Variants in HIVEP3 observed in about 807,000 individuals in gnomAD.
HIVEP3 encodes the protein HIVEP zinc finger 3.
A neutral mutation model predicts 152.8 loss-of-function variants in HIVEP3; 49 were observed. The observed-to-expected ratio is 0.32, with a 90% CI of 0.26 to 0.41. The LOEUF (loss-of-function observed/expected upper bound fraction) is 0.41. Ranked by LOEUF, HIVEP3 falls within the 10% of genes least tolerant of loss-of-function variation. HIVEP3 has a pLI of 1.00. For missense variants in HIVEP3, 2,790 were observed against 3,103.3 expected (o/e 0.90, Z 2.40); for synonymous variants, 1,269 against 1,289.0 (o/e 0.98, Z 0.33).
chr1:41,797,097 C>T (rs349449), intron 1 of HIVEP3, among the ~76,000 whole-genome samples: 92,898 of 152,066 alleles, frequency 0.61, 29,661 homozygotes, highest in African/African-American at 0.81. Flanking sequence ...TGGCATCCTC[C>T]GTGAAGGGCC....
chr1:41,809,371 G>A (rs771371377), intron 1 of HIVEP3, among the ~76,000 whole-genome samples: 2 of 152,176 alleles, frequency 1.3e-5, no homozygotes, highest in Non-Finnish European at 2.9e-5. Flanking sequence ...CCAAAGACAC[G>A]GTCTTCATGC....
At chr1:41,566,605 C>T (rs1272187207) in intron 5 of HIVEP3, among the ~76,000 whole-genome samples, 1 of 152,216 alleles carries the variant, frequency 6.6e-6, no homozygotes, top group Non-Finnish European at 1.5e-5. Context: ...CACCTCCACT[C>T]CTCATTTTGG....
chr1:41,645,767 G>A (rs935721887), intron 2 of HIVEP3, among the ~76,000 whole-genome samples: 3 of 152,164 alleles, frequency 2.0e-5, no homozygotes, highest in African/African-American at 7.2e-5. Flanking sequence ...CCAACCATTC[G>A]TTCATGCATT....
intron 1 of HIVEP3, among the ~76,000 whole-genome samples, chr1:41,786,141 C>CT (rs1649335740): frequency 1.3e-5 from 2 of 152,248 alleles, no homozygotes; most frequent in Admixed American, 1.3e-4. Context: ...TCAGCTTACA[C>CT]TGTGGTCCTA....
intron 1 of HIVEP3, among the ~76,000 whole-genome samples, chr1:41,738,537 C>A (rs1387194009): frequency 6.6e-6 from 1 of 152,154 alleles, no homozygotes; most frequent in East Asian, 1.9e-4. Flanking sequence ...TTGAGTTAAT[C>A]CAACCCTCCC....
chr1:41,803,710 T>C (rs963777279), intron 1 of HIVEP3, among the ~76,000 whole-genome samples: 1 of 152,234 alleles, frequency 6.6e-6, no homozygotes, highest in East Asian at 1.9e-4. Flanking sequence ...GTTCCTTGCC[T>C]GGTACACTCT....
intron 1 of HIVEP3, among the ~76,000 whole-genome samples, chr1:42,015,216 A>G (rs1350875864): frequency 6.6e-6 from 1 of 152,242 alleles, no homozygotes; most frequent in East Asian, 1.9e-4. Context: ...AAGCTCAGGT[A>G]TGTAAAGAAT....
chr1:41,700,620 T>C (rs1453142122), intron 2 of HIVEP3, among the ~76,000 whole-genome samples: 3 of 152,172 alleles, frequency 2.0e-5, no homozygotes, highest in Non-Finnish European at 4.4e-5. Context: ...AGAAAGGAGA[T>C]GCTTGCTTAA....
chr1:41,929,470 T>A (rs1156628135), intron 1 of HIVEP3, among the ~76,000 whole-genome samples: 6 of 151,874 alleles, frequency 4.0e-5, no homozygotes, highest in African/African-American at 1.5e-4. Context: ...CATCTTGTAG[T>A]TTGCCTACCC....
intron 1 of HIVEP3, among the ~76,000 whole-genome samples, chr1:41,760,200 T>C (rs1647577321): frequency 6.6e-6 from 1 of 152,150 alleles, no homozygotes; most frequent in East Asian, 1.9e-4. Flanking sequence ...AAAAATGGGA[T>C]GAATAAGAGT....
chr1:41,862,621 T>G (rs1462715638), intron 1 of HIVEP3, among the ~76,000 whole-genome samples: 1 of 152,140 alleles, frequency 6.6e-6, no homozygotes, highest in African/African-American at 2.4e-5. Flanking sequence ...CCCTCCAAGC[T>G]TGCCTCCTGC....
chr1:41,733,908 C>T (rs973762493), intron 1 of HIVEP3, among the ~76,000 whole-genome samples: 3 of 152,162 alleles, frequency 2.0e-5, no homozygotes, highest in African/African-American at 7.2e-5. Context: ...AGGTGTCCCA[C>T]TCCTCTCAAC....
intron 2 of HIVEP3, among the ~76,000 whole-genome samples, chr1:41,665,261 G>T (rs1239283258): frequency 6.6e-6 from 1 of 152,162 alleles, no homozygotes; most frequent in East Asian, 1.9e-4. Context: ...TGCAGACCAG[G>T]CCTCCACCAG....
At chr1:42,007,255 G>C (rs888313585) in intron 1 of HIVEP3, among the ~76,000 whole-genome samples, 1 of 152,202 alleles carries the variant, frequency 6.6e-6, no homozygotes, top group Non-Finnish European at 1.5e-5. Flanking sequence ...GTGAGGTAGG[G>C]ATGTGAATAC....
intron 1 of HIVEP3, among the ~76,000 whole-genome samples, chr1:41,712,413 G>A (rs2036961): frequency 0.052 from 7,848 of 152,294 alleles, 699 homozygotes; most frequent in African/African-American, 0.18. Context: ...CCAGTCTCCT[G>A]GCAGAGAAAG....
chr1:41,851,734 G>C (rs1263523423), intron 1 of HIVEP3, among the ~76,000 whole-genome samples: 1 of 152,228 alleles, frequency 6.6e-6, no homozygotes, highest in Non-Finnish European at 1.5e-5. Context: ...GTGCCCTTAG[G>C]CTGGTGTTCT....
chr1:41,884,124 C>T (rs531477443), intron 1 of HIVEP3, among the ~76,000 whole-genome samples: 1 of 152,056 alleles, frequency 6.6e-6, no homozygotes, highest in Non-Finnish European at 1.5e-5. Context: ...CACCACCATG[C>T]CTGGCTAACT....
At chr1:41,646,058 T>A (rs1031813863) in intron 2 of HIVEP3, among the ~76,000 whole-genome samples, 1 of 152,172 alleles carries the variant, frequency 6.6e-6, no homozygotes, top group Admixed American at 6.5e-5. Context: ...CCTGGGCTTA[T>A]GGGAGATGCT....
At chr1:41,525,837 G>A (rs1032600035) in intron 5 of HIVEP3, among the ~76,000 whole-genome samples, 1 of 152,164 alleles carries the variant, frequency 6.6e-6, no homozygotes. Context: ...TCTCAGATGC[G>A]GTGGGGAGGG....
Sources: gnomAD v4.1 joint callset for allele counts (sites outside exome capture counted in the v4.1 genomes callset) on GRCh38, gnomAD v4.1.1 for gene constraint, MANE v1.5 for transcripts, NCBI Gene and HGNC (gene_info 2026-07-23, HGNC 2026-07-21) for gene names.